CLSTN2: variants seen among roughly 807,000 people sequenced by gnomAD.
The protein encoded by CLSTN2 is calsyntenin-2.
Under a neutral mutation model 101.2 loss-of-function variants are expected in CLSTN2, and 48 were observed. That is an observed-to-expected ratio of 0.47 (90% CI 0.38 to 0.60). CLSTN2 has a LOEUF of 0.60. Among genes scored for constraint, CLSTN2 ranks in the 20% least tolerant of loss-of-function variants. The pLI is 0.00. For synonymous variants in CLSTN2, 481 were observed against 463.6 expected, an observed-to-expected ratio of 1.04 and a Z score of -0.48; for missense variants, 1,160 against 1,238.2, an observed-to-expected ratio of 0.94 and a Z score of 0.95.
chr3:140,436,747 T>C (rs2088691741), intron 5 of CLSTN2, among the ~76,000 whole-genome samples: 1 of 152,228 alleles, frequency 6.6e-6, no homozygotes, highest in Non-Finnish European at 1.5e-5. Context: ...TAAAAACTAA[T>C]GCATTCTGAG....
chr3:140,009,222 C>A (rs931250594), intron 1 of CLSTN2, among the ~76,000 whole-genome samples: 4 of 152,150 alleles, frequency 2.6e-5, no homozygotes, highest in African/African-American at 9.7e-5. Flanking sequence ...ATTTTCTGTT[C>A]TTTCCTGAAG....
At chr3:140,191,659 G>C (rs2010567767) in intron 2 of CLSTN2, among the ~76,000 whole-genome samples, 1 of 151,846 alleles carries the variant, frequency 6.6e-6, no homozygotes, top group Non-Finnish European at 1.5e-5. Flanking sequence ...TTTTGTCTAA[G>C]TTGACAAATC....
intron 2 of CLSTN2, among the ~76,000 whole-genome samples, chr3:140,297,590 G>T: frequency 6.6e-6 from 1 of 152,124 alleles, no homozygotes; most frequent in East Asian, 1.9e-4. Flanking sequence ...CTCCTGAAAG[G>T]CTAGAGTCCT....
At chr3:140,112,872 A>T (rs894518562) in intron 1 of CLSTN2, among the ~76,000 whole-genome samples, 1 of 152,340 alleles carries the variant, frequency 6.6e-6, no homozygotes, top group Admixed American at 6.5e-5. Flanking sequence ...CATGAAAAAA[A>T]CAGACCATAA....
At chr3:140,546,996 T>G (rs184030247) in intron 10 of CLSTN2, among the ~76,000 whole-genome samples, 4 of 152,370 alleles carry the variant, frequency 2.6e-5, no homozygotes, top group Admixed American at 6.5e-5. Flanking sequence ...GTGCGTTAGT[T>G]GGCTGCTCTG....
intron 5 of CLSTN2, among the ~76,000 whole-genome samples, chr3:140,425,665 C>T (rs865814168): frequency 6.6e-6 from 1 of 152,152 alleles, no homozygotes; most frequent in Admixed American, 6.5e-5. Flanking sequence ...CAGGGTGGGG[C>T]TTATCAAGGG....
intron 4 of CLSTN2, among the ~76,000 whole-genome samples, chr3:140,416,161 C>G (rs1171345543): frequency 2.0e-5 from 3 of 152,070 alleles, no homozygotes; most frequent in Non-Finnish European, 4.4e-5. Flanking sequence ...AAAGGTTGAA[C>G]TCACAGAAAT....
chr3:140,465,585 T>C (rs573507262), intron 7 of CLSTN2, among the ~76,000 whole-genome samples: 5 of 152,284 alleles, frequency 3.3e-5, no homozygotes, highest in African/African-American at 9.6e-5. Context: ...AGAAATGTAA[T>C]TGGTATTGAT....
intron 2 of CLSTN2, among the ~76,000 whole-genome samples, chr3:140,249,114 T>G (rs1012397758): frequency 2.0e-5 from 3 of 152,154 alleles, no homozygotes; most frequent in Non-Finnish European, 4.4e-5. Context: ...CTATGACTAC[T>G]GGAGCCATGG....
chr3:140,153,731 A>C (rs1576447638), intron 1 of CLSTN2, among the ~76,000 whole-genome samples: 1 of 152,288 alleles, frequency 6.6e-6, no homozygotes, highest in South Asian at 2.1e-4. Context: ...GATGTGGGGA[A>C]TGTCTGAGCT....
Position 140,122,770 on chromosome 3 carries a change from A to T in CLSTN2, c.110-53181A>T, listed in dbSNP as rs140019643. Reference sequence around the variant, plus strand: ...AGGGGTCTGCAAACTTGATCTGTAAAGGGTCAGATGTTTTAGGCTTTGTGG... The same window carrying T: ...AGGGGTCTGCAAACTTGATCTGTAATGGGTCAGATGTTTTAGGCTTTGTGG... On this transcript the variant is annotated intron_variant, in intron 1 of 16. Transcript: ENST00000458420. Among the ~76,000 whole-genome samples, 11 of 152,252 alleles carry T rather than the reference A, an allele frequency of 7.2e-5. No homozygotes were observed. The East Asian group carries it at 2.1e-3, about 30-fold the overall frequency.
At chr3:140,393,317 A>G (rs1559857279) in intron 2 of CLSTN2, among the ~76,000 whole-genome samples, 1 of 152,214 alleles carries the variant, frequency 6.6e-6, no homozygotes, top group Non-Finnish European at 1.5e-5. Context: ...ATTTGCACCA[A>G]TTCTATGTGA....
At chr3:139,982,766 G>A (rs1453719675) in intron 1 of CLSTN2, among the ~76,000 whole-genome samples, 3 of 151,960 alleles carry the variant, frequency 2.0e-5, no homozygotes, top group East Asian at 3.9e-4. Context: ...ATAGAATAGA[G>A]AAAAATCATT....
intron 4 of CLSTN2, among the ~76,000 whole-genome samples, chr3:140,414,463 G>C (rs1397425017): frequency 3.9e-5 from 6 of 151,932 alleles, no homozygotes; most frequent in Non-Finnish European, 8.8e-5. Context: ...GTTCTACTCA[G>C]GAATTGAAAG....
intron 1 of CLSTN2, among the ~76,000 whole-genome samples, chr3:139,994,084 G>A (rs924008602): frequency 6.6e-6 from 1 of 152,140 alleles, no homozygotes; most frequent in Admixed American, 6.5e-5. Flanking sequence ...TCTCTCCCCA[G>A]GGATGATAGT....
chr3:140,496,133 A>G (rs970758725), intron 8 of CLSTN2, among the ~76,000 whole-genome samples: 3 of 152,044 alleles, frequency 2.0e-5, no homozygotes, highest in Non-Finnish European at 4.4e-5. Flanking sequence ...GTCCTCTCTG[A>G]CTTTCTTGAG....
chr3:140,231,410 T>A (rs1353368039), intron 2 of CLSTN2, among the ~76,000 whole-genome samples: 2 of 152,116 alleles, frequency 1.3e-5, no homozygotes, highest in East Asian at 3.9e-4. Context: ...ATGCAGACTG[T>A]TTCATGAGCA....
At chr3:139,998,405 G>C (rs1177863999) in intron 1 of CLSTN2, among the ~76,000 whole-genome samples, 1 of 122,752 alleles carries the variant, frequency 8.1e-6, no homozygotes, top group Non-Finnish European at 1.7e-5. Flanking sequence ...GTGGCGCGAG[G>C]CTCACTGCAA....
chr3:140,274,380 TGGAA>T (rs1189124016), intron 2 of CLSTN2, among the ~76,000 whole-genome samples: 1 of 152,184 alleles, frequency 6.6e-6, no homozygotes, highest in African/African-American at 2.4e-5. Context: ...CAAAATCTGA[TGGAA>T]GCCACCCCAA....
Sources: gnomAD v4.1 joint callset for allele counts (sites outside exome capture counted in the v4.1 genomes callset) on GRCh38, gnomAD v4.1.1 for gene constraint, MANE v1.5 for transcripts, NCBI Gene and HGNC (gene_info 2026-07-23, HGNC 2026-07-21) for gene names.